Variants in PCSK2 observed in about 807,000 individuals in gnomAD.
PCSK2 encodes the protein neuroendocrine convertase 2.
Under a neutral mutation model 69.7 loss-of-function variants are expected in PCSK2, and 14 were observed. The ratio of observed to expected loss-of-function variants is 0.20; its 90% CI spans 0.13 to 0.31. The LOEUF is 0.31. Ranked by LOEUF, PCSK2 falls within the 10% of genes least tolerant of loss-of-function variation. PCSK2 has a pLI of 1.00. For missense variants in PCSK2, 544 were observed against 842.5 expected, an observed-to-expected ratio of 0.65 and a Z score of 4.39; for synonymous variants, 307 against 320.7, an observed-to-expected ratio of 0.96 and a Z score of 0.46.
At chr20:17,232,599 T>C (rs1278613882) in intron 1 of PCSK2, among the ~76,000 whole-genome samples, 1 of 152,210 alleles carries the variant, frequency 6.6e-6, no homozygotes, top group African/African-American at 2.4e-5. Context: ...TGGTCAGATA[T>C]ATGTATTTTG....
chr20:17,256,420 T>C (rs1987179119), intron 1 of PCSK2, among the ~76,000 whole-genome samples: 1 of 152,120 alleles, frequency 6.6e-6, no homozygotes, highest in East Asian at 1.9e-4. Context: ...GAGTTTTTAT[T>C]ATTTTTTCCT....
intron 1 of PCSK2, among the ~76,000 whole-genome samples, chr20:17,259,531 A>G (rs1987300209): frequency 2.0e-5 from 3 of 152,144 alleles, no homozygotes; most frequent in South Asian, 4.1e-4. Context: ...TCTTCCCACC[A>G]AGTTACCTTG....
chr20:17,249,110 T>A lies in PCSK2; in HGVS notation c.178-11130T>A, dbSNP rs1348914901. Among the ~76,000 whole-genome samples, 3 of 152,170 alleles carry A rather than the reference T, an allele frequency of 2.0e-5. No individual in the cohort carries two copies. The East Asian group carries it at 5.8e-4, about 29-fold the overall frequency. ...AGTGCAGGGGTAGGTGGGTTCTGAT[T>A]TGAAACTAGGAAATACATGACCTTT... is the stretch of plus-strand genomic sequence containing the variant. On this transcript the variant is annotated intron_variant, in intron 1 of 11. Transcript: ENST00000262545.
At chr20:17,270,032 G>C (rs1987800076) in intron 2 of PCSK2, among the ~76,000 whole-genome samples, 1 of 151,972 alleles carries the variant, frequency 6.6e-6, no homozygotes, top group Non-Finnish European at 1.5e-5. Context: ...TCAAACCTCT[G>C]CTTCAAAATA....
chr20:17,341,642 A>G (rs1326661986), intron 2 of PCSK2, among the ~76,000 whole-genome samples: 1 of 152,238 alleles, frequency 6.6e-6, no homozygotes, highest in East Asian at 1.9e-4. Flanking sequence ...CAGCAGATGG[A>G]CTATGAGTTC....
At chr20:17,420,732 C>T (rs1423230823) in intron 6 of PCSK2, among the ~76,000 whole-genome samples, 1 of 152,162 alleles carries the variant, frequency 6.6e-6, no homozygotes, top group Non-Finnish European at 1.5e-5. Context: ...GAGAGAAATA[C>T]AGCACATTAT....
chr20:17,375,192 G>A (rs944280056), intron 5 of PCSK2, among the ~76,000 whole-genome samples: 7 of 152,000 alleles, frequency 4.6e-5, no homozygotes, highest in South Asian at 4.2e-4. Flanking sequence ...GCACAATTTC[G>A]GGTTGTCCTG....
chr20:17,378,681 A>G (rs1225552160), intron 5 of PCSK2, among the ~76,000 whole-genome samples: 1 of 151,616 alleles, frequency 6.6e-6, no homozygotes, highest in African/African-American at 2.4e-5. Flanking sequence ...GGATGGTTAG[A>G]TGGATGGATA....
chr20:17,232,084 A>C (rs1568563212), intron 1 of PCSK2, among the ~76,000 whole-genome samples: 1 of 152,184 alleles, frequency 6.6e-6, no homozygotes, highest in Non-Finnish European at 1.5e-5. Context: ...ACATTTGATA[A>C]ATCTCTTCAC....
chr20:17,413,979 A>G (rs2031938311), intron 6 of PCSK2, among the ~76,000 whole-genome samples: 1 of 152,226 alleles, frequency 6.6e-6, no homozygotes, highest in South Asian at 2.1e-4. Flanking sequence ...ATTCTTTGAA[A>G]CCAATGAGAA....
intron 6 of PCSK2, among the ~76,000 whole-genome samples, chr20:17,411,540 C>T (rs1439488954): frequency 2.0e-5 from 3 of 152,250 alleles, no homozygotes; most frequent in South Asian, 2.1e-4. Flanking sequence ...GAGCCCACCA[C>T]AGCTCAGCAA....
chr20:17,320,228 A>T (rs1238849830), intron 2 of PCSK2, among the ~76,000 whole-genome samples: 1 of 152,214 alleles, frequency 6.6e-6, no homozygotes, highest in East Asian at 1.9e-4. Flanking sequence ...CCCAGGAGAC[A>T]CTTAGCTCTC....
chr20:17,416,040 A>G (rs1173211097), intron 6 of PCSK2, among the ~76,000 whole-genome samples: 1 of 152,246 alleles, frequency 6.6e-6, no homozygotes, highest in African/African-American at 2.4e-5. Flanking sequence ...TGGATTAAAG[A>G]CTTAAATGTT....
At chr20:17,415,270 G>A (rs1217369474) in intron 6 of PCSK2, among the ~76,000 whole-genome samples, 2 of 152,180 alleles carry the variant, frequency 1.3e-5, no homozygotes, top group Non-Finnish European at 2.9e-5. Context: ...TGACATGATT[G>A]TATATCTAGA....
At chr20:17,256,047 A>T (rs1343115724) in intron 1 of PCSK2, among the ~76,000 whole-genome samples, 1 of 152,184 alleles carries the variant, frequency 6.6e-6, no homozygotes, top group African/African-American at 2.4e-5. Flanking sequence ...TTATTTATTT[A>T]AACATTAGTA....
At chr20:17,249,892 T>A (rs1986911178) in intron 1 of PCSK2, among the ~76,000 whole-genome samples, 1 of 152,180 alleles carries the variant, frequency 6.6e-6, no homozygotes, top group East Asian at 1.9e-4. Flanking sequence ...TTTGAGATGA[T>A]TAAAAAGTTC....
In PCSK2 at chr20:17,482,874, C is replaced by T. The variant is rs2033434231; in HGVS notation, c.*804C>T. On this transcript the variant is annotated 3_prime_UTR_variant, in exon 12 of 12. Transcript: ENST00000262545. The stretch of plus-strand genomic sequence containing the variant: ...ATCCCAGCCCCAATTTTCTGGGGCT[C>T]CTCACATAGCTACCCAAAAGAGAAA... 1 of 152,294 alleles carries T rather than the reference C, an allele frequency of 6.6e-6. No homozygotes were observed. Among genetic ancestry groups the T allele is most frequent in the Non-Finnish European group, 1.5e-5 (1 of 68,042 alleles). 9.4% of individuals were successfully genotyped at this position (152,294 alleles called of 1,614,324 possible). A position where few individuals can be genotyped will look rare whatever the true frequency, so the allele number is the denominator to read the frequency against.
intron 2 of PCSK2, among the ~76,000 whole-genome samples, chr20:17,282,292 A>G (rs1192876356): frequency 6.6e-6 from 1 of 152,184 alleles, no homozygotes; most frequent in Non-Finnish European, 1.5e-5. Context: ...TATTCTGCAT[A>G]TCATATTATA....
At chr20:17,383,347 C>T (rs1457672077) in intron 5 of PCSK2, among the ~76,000 whole-genome samples, 5 of 152,122 alleles carry the variant, frequency 3.3e-5, no homozygotes, top group Non-Finnish European at 5.9e-5. Context: ...AAGACAATTT[C>T]CCCAGGAAAT....
Sources: allele counts gnomAD v4.1 joint callset (sites outside exome capture counted in the v4.1 genomes callset), GRCh38; gene constraint gnomAD v4.1.1; transcripts MANE v1.5; gene names NCBI Gene and HGNC (gene_info 2026-07-23, HGNC 2026-07-21).